The following SETD2 variants were observed in gnomAD, a reference collection of about 807,000 sequenced individuals.
The protein encoded by SETD2 is histone-lysine N-methyltransferase SETD2.
In SETD2, 31 loss-of-function variants were observed where a neutral mutation model predicts 242.1. The observed-to-expected ratio is 0.13, with a 90% CI of 0.10 to 0.17. The LOEUF (loss-of-function observed/expected upper bound fraction) is 0.17, where lower values mean the gene tolerates loss of function less well. Among genes scored for constraint, SETD2 ranks in the 10% least tolerant of loss-of-function variants. SETD2 has a pLI of 1.00. For synonymous variants in SETD2, 1,006 were observed against 1,066.5 expected (o/e 0.94, Z 1.11); for missense variants, 2,481 against 3,046.3 (o/e 0.81, Z 4.37).
chr3:47,041,446 G>T, intron 17 of SETD2: 1 of 389,638 alleles, frequency 2.6e-6, no homozygotes, highest in Non-Finnish European at 5.1e-6. Context: ...CCAGGAGTTC[G>T]TGCAGATCAG....
At chr3:47,079,173 C>T (rs1347341514) in intron 12 of SETD2, among the ~76,000 whole-genome samples, 3 of 152,014 alleles carry the variant, frequency 2.0e-5, no homozygotes, top group Admixed American at 2.0e-4. Context: ...TTCATTGAGC[C>T]TGAAATTATA....
chr3:47,017,195 C>T lies in SETD2; in HGVS notation c.7593G>A (p.Glu2531=), dbSNP rs2038018176. 4 of 1,614,156 alleles carry T rather than the reference C, an allele frequency of 2.5e-6. No homozygotes were observed. The highest frequency in any genetic ancestry group is 3.4e-6 in the Non-Finnish European group (4 of 1,180,020). Residue 2531 remains glutamate (E), a synonymous_variant, in exon 21 of 21, where the codon GAG becomes GAA. Coordinates refer to ENST00000409792, the MANE Select transcript of SETD2 (RefSeq NM_014159.7). This position sits in a 1 kb window ranked among gnomAD's most constrained non-coding sequence, Gnocchi z 4.8. ...TTTTGTGTTTCACATTCTCATTGCA[C>T]TCCAGGTCCTCAGGATTCTTACAGT... ...LKYCKNPEDL[E]CNENVKHKTK...
intron 12 of SETD2, among the ~76,000 whole-genome samples, chr3:47,072,385 A>T (rs2040862090): frequency 6.6e-6 from 1 of 152,196 alleles, no homozygotes; most frequent in African/African-American, 2.4e-5. Context: ...CTGTTCTGTA[A>T]TAACAGATTT....
chr3:47,113,731 T>C, intron 5 of SETD2, 145 bp downstream of exon 5: 1 of 632,952 alleles, frequency 1.6e-6, no homozygotes, highest in Non-Finnish European at 2.5e-6. Flanking sequence ...TCCAGCTACT[T>C]GAGAGGCTAA....
chr3:47,130,783 A>T (rs1559756394), intron 1 of SETD2, among the ~76,000 whole-genome samples: 1 of 152,224 alleles, frequency 6.6e-6, no homozygotes. Context: ...AGAGAAAAAA[A>T]AAAGAATATG....
chr3:47,096,753 A>C (rs887531514), intron 9 of SETD2, among the ~76,000 whole-genome samples: 2 of 152,110 alleles, frequency 1.3e-5, no homozygotes, highest in Non-Finnish European at 2.9e-5. Flanking sequence ...TCTCAAAAAA[A>C]AACAAAGCCA....
chr3:47,023,938 ATTC>A (rs1223511688), intron 18 of SETD2, among the ~76,000 whole-genome samples: 8 of 152,172 alleles, frequency 5.3e-5, no homozygotes, highest in Non-Finnish European at 1.0e-4. Context: ...GTCTCAAGGT[ATTC>A]TTCTTTTGGT....
chr3:47,069,213 C>T lies in SETD2; in HGVS notation c.6061-2095G>A, dbSNP rs149963199. 3.6e-3 allele frequency among the ~76,000 whole-genome samples: 547 copies of T among 152,294 alleles called. 4 individuals are homozygous for T. Among genetic ancestry groups the T allele is most frequent in the African/African-American group, 0.013 (521 of 41,548 alleles). On this transcript the variant is annotated intron_variant, in intron 12 of 20. Coordinates refer to ENST00000409792, the MANE Select transcript of SETD2 (RefSeq NM_014159.7). ...TAGCAATCTACCCAAGGTTATGATG[C>T]TACCAGACAGTCTAACTCAAGAGCA... is the stretch of plus-strand genomic sequence containing the variant.
At chr3:47,162,679 C>T (rs1697525754) in intron 1 of SETD2, among the ~76,000 whole-genome samples, 1 of 152,184 alleles carries the variant, frequency 6.6e-6, no homozygotes, top group African/African-American at 2.4e-5. Context: ...GTCAAAACAG[C>T]AAAGCTCTTG....
chr3:47,161,185 T>A (rs1167270908), intron 1 of SETD2, among the ~76,000 whole-genome samples: 1 of 152,230 alleles, frequency 6.6e-6, no homozygotes, highest in African/African-American at 2.4e-5. Context: ...TTTTCCCTGA[T>A]GACCCCAACT....
chr3:47,123,514 ATC>A lies in SETD2; in HGVS notation c.1120_1121del (p.Asp374Ter). 6.4e-7 allele frequency: 1 copy of A among 1,550,914 alleles called. No individual in the cohort carries two copies. Among genetic ancestry groups the A allele is most frequent in the Non-Finnish European group, 8.7e-7 (1 of 1,146,978 alleles). On this transcript the variant is annotated frameshift_variant, in exon 3 of 21. Transcript: ENST00000409792. LOFTEE classifies it high-confidence loss of function. Reference sequence around the variant, plus strand: ...GTTTTGAATAGCTAAAATATTTATCATCTCTGTCTGTTTTAGATCGTGAAGGT... The same window carrying A: ...GTTTTGAATAGCTAAAATATTTATCATCTGTCTGTTTTAGATCGTGAAGGT... ...GKPSRSKTDR[D>X]DKYFSYSKLE...
rs2106690584 is a variant in SETD2 at position 47,122,911 on chromosome 3, A to G, written c.1725T>C (p.Cys575=). 6.2e-7 allele frequency: 1 copy of G among 1,610,242 alleles called. No individual in the cohort carries two copies. The highest frequency in any genetic ancestry group is 8.5e-7 in the Non-Finnish European group (1 of 1,178,274). Residue 575 remains cysteine (C), a synonymous_variant, in exon 3 of 21, where the codon TGT becomes TGC. Coordinates refer to ENST00000409792, the MANE Select transcript of SETD2 (RefSeq NM_014159.7). The part of the protein sequence containing the change: ...KSDKFKNSFC[C]TELNEEIKQS... The stretch of plus-strand genomic sequence containing the variant: ...GTTTGATTTCTTCATTTAATTCTGT[A>G]CAACAGAAAGAATTTTTAAATTTAT...
Position 47,121,388 on chromosome 3 carries a change from G to T in SETD2, c.3248C>A (p.Thr1083Lys), listed in dbSNP as rs2106648461. 3 of 1,609,902 alleles carry T rather than the reference G, an allele frequency of 1.9e-6. No homozygotes were observed. Among genetic ancestry groups the T allele is most frequent in the Non-Finnish European group, 8.5e-7 (1 of 1,179,976 alleles). ...ACTGCTCCGAGAAGAACAAGGACTTGTTTCTTCCATGGGCAAAGTAGAATT... is the reference window on the plus strand; with the variant it reads ...ACTGCTCCGAGAAGAACAAGGACTTTTTTCTTCCATGGGCAAAGTAGAATT... ...PKNSTLPMEE[T>K]SPCSSRSSQS... is the part of the protein sequence containing the mutation. Residue 1083 changes from threonine (T) to lysine (K), a missense_variant, in exon 3 of 21, where the codon ACA becomes AAA. By Grantham distance (78) the Thr-to-Lys change is moderately conservative. Transcript: ENST00000409792.
At position 47,122,705 on chromosome 3, in the gene SETD2, T is replaced by G. The variant is rs2106685339; in HGVS notation, c.1931A>C (p.Asp644Ala). 7 of 1,612,050 alleles carry G rather than the reference T, an allele frequency of 4.3e-6. No individual in the cohort carries two copies. The highest frequency in any genetic ancestry group is 5.9e-6 in the Non-Finnish European group (7 of 1,179,288). Residue 644 changes from aspartate to alanine, a missense_variant, in exon 3 of 21, where the codon GAT becomes GCT. Physicochemically the swap from Asp to Ala is moderately radical, Grantham distance 126. Coordinates refer to ENST00000409792, the MANE Select transcript of SETD2 (RefSeq NM_014159.7). ...TAATTCCTTAATACTATCATGGCTA[T>G]CATGTGTTATAAATTCGGACTTAAA... is the stretch of plus-strand genomic sequence containing the variant. ...PIFKSEFITH[D>A]SHDSIKELDS... is the part of the protein sequence containing the mutation.
intron 1 of SETD2, among the ~76,000 whole-genome samples, chr3:47,132,254 T>C (rs2043495775): frequency 6.6e-6 from 1 of 151,436 alleles, no homozygotes. Context: ...TGCTTCAGCC[T>C]CCTGAGTAGC....
At chr3:47,052,769 T>C (rs2039905074) in intron 15 of SETD2, among the ~76,000 whole-genome samples, 1 of 151,712 alleles carries the variant, frequency 6.6e-6, no homozygotes, top group African/African-American at 2.4e-5. Context: ...TGAGTCGAGA[T>C]TGCACCACTG....
chr3:47,070,952 T>A (rs886101758), intron 12 of SETD2, among the ~76,000 whole-genome samples: 2 of 152,022 alleles, frequency 1.3e-5, no homozygotes, highest in African/African-American at 2.4e-5. Flanking sequence ...CCCAGGCTGG[T>A]CTCAAACTCC....
rs2043246121 is a variant in SETD2, at chr3:47,124,477, T to C, written c.159A>G (p.Arg53=). Residue 53 remains arginine (R), a synonymous_variant, in exon 3 of 21, where the codon CGA becomes CGG. Transcript: ENST00000409792. ...GPMFKGVASS[R]FLPKGTKTKV... ...TTGTTTTGGTGCCTTTGGGCAAAAA[T>C]CGACTAGAAGCAACACCTTTGAACA... 2 of 1,551,780 alleles carry C rather than the reference T, an allele frequency of 1.3e-6. No homozygotes were observed. Among genetic ancestry groups the C allele is most frequent in the Non-Finnish European group, 1.7e-6 (2 of 1,147,002 alleles).
intron 12 of SETD2, among the ~76,000 whole-genome samples, chr3:47,079,081 T>C (rs2041221283): frequency 6.6e-6 from 1 of 152,160 alleles, no homozygotes; most frequent in Non-Finnish European, 1.5e-5. Context: ...TTTAGAGGAA[T>C]TTTTCACTGA....
Sources: gnomAD v4.1 joint callset for allele counts (sites outside exome capture counted in the v4.1 genomes callset) on GRCh38, gnomAD v4.1.1 for gene constraint, Gnocchi (gnomAD v3.1) non-coding constraint, MANE v1.5 for transcripts, NCBI Gene and HGNC (gene_info 2026-07-23, HGNC 2026-07-21) for gene names.